The following CFAP299 variants were observed in gnomAD, a reference collection of about 807,000 sequenced individuals.
CFAP299 encodes the protein cilia and flagella associated protein 299, also known as cilia- and flagella-associated protein 299.
A neutral mutation model predicts 27.0 loss-of-function variants in CFAP299; 21 were observed. The ratio of observed to expected loss-of-function variants is 0.78; its 90% CI spans 0.55 to 1.12. The LOEUF (loss-of-function observed/expected upper bound fraction) is 1.12. Among genes scored for constraint, CFAP299 ranks in the 50% most tolerant of loss-of-function variants. The pLI is 0.00. For synonymous variants in CFAP299, 104 were observed against 98.1 expected, an observed-to-expected ratio of 1.06 and a Z score of -0.36; for missense variants, 310 against 276.6, an observed-to-expected ratio of 1.12 and a Z score of -0.86.
intron 4 of CFAP299, among the ~76,000 whole-genome samples, chr4:80,919,185 A>G (rs1398972141): frequency 2.0e-5 from 3 of 152,184 alleles, no homozygotes; most frequent in African/African-American, 2.4e-5. Flanking sequence ...TTAGTTCTAA[A>G]GCATGCTGCA....
chr4:80,650,956 A>G (rs1340550952), intron 3 of CFAP299, among the ~76,000 whole-genome samples: 2 of 152,046 alleles, frequency 1.3e-5, no homozygotes, highest in Non-Finnish European at 2.9e-5. Context: ...ACAAATCACT[A>G]CTAAAGAACT....
chr4:80,502,649 T>G (rs1731801557), intron 2 of CFAP299, among the ~76,000 whole-genome samples: 1 of 152,100 alleles, frequency 6.6e-6, no homozygotes, highest in African/African-American at 2.4e-5. Flanking sequence ...CTTTCTTGGT[T>G]TTCTGTCTGC....
intron 4 of CFAP299, among the ~76,000 whole-genome samples, chr4:80,921,855 G>A (rs1414636142): frequency 6.6e-6 from 1 of 151,924 alleles, no homozygotes; most frequent in Non-Finnish European, 1.5e-5. Flanking sequence ...TATTTATGGA[G>A]GGAATCTGGT....
intron 3 of CFAP299, among the ~76,000 whole-genome samples, chr4:80,690,939 C>A (rs1578024017): frequency 6.7e-6 from 1 of 149,626 alleles, no homozygotes; most frequent in Admixed American, 6.7e-5. Context: ...ACTAGAAAAT[C>A]TAGAAGAAAT....
intron 2 of CFAP299, among the ~76,000 whole-genome samples, chr4:80,453,715 C>T (rs1211185248): frequency 6.6e-6 from 1 of 151,404 alleles, no homozygotes; most frequent in Non-Finnish European, 1.5e-5. Flanking sequence ...TTGGCGCGTG[C>T]CTGTAATCTC....
At chr4:80,663,688 C>G (rs970676655) in intron 3 of CFAP299, among the ~76,000 whole-genome samples, 2 of 152,174 alleles carry the variant, frequency 1.3e-5, no homozygotes, top group Non-Finnish European at 2.9e-5. Flanking sequence ...GGTTCTGGTT[C>G]TAGATCCTTG....
intron 3 of CFAP299, among the ~76,000 whole-genome samples, chr4:80,675,005 C>T (rs1204373586): frequency 1.3e-5 from 2 of 152,144 alleles, no homozygotes; most frequent in East Asian, 3.9e-4. Context: ...TATTACCGAC[C>T]TTCTGAAGCC....
At position 80,744,371 on chromosome 4, in the gene CFAP299, C is replaced by T. The variant is rs532685485; in HGVS notation, c.334-125622C>T. Reference sequence around the variant, plus strand: ...CAGCTCTCCTCCAAACCTGATCAGCCAGCCCAGAAGTGTTTTTATGACTCA... The same window carrying T: ...CAGCTCTCCTCCAAACCTGATCAGCTAGCCCAGAAGTGTTTTTATGACTCA... On this transcript the variant is annotated intron_variant, in intron 3 of 5. Coordinates refer to ENST00000358105, the MANE Select transcript of CFAP299 (RefSeq NM_152770.3). Among the ~76,000 whole-genome samples the T allele has an allele frequency of 1.1e-4, 16 of 141,078 alleles. No homozygotes were observed. The South Asian group carries it at 3.3e-3, about 29-fold the overall frequency. The allele number at this position is 141,078 out of a possible 152,430, so 92.6% of individuals were successfully genotyped here.
intron 2 of CFAP299, among the ~76,000 whole-genome samples, chr4:80,475,957 C>T (rs1260205734): frequency 5.9e-5 from 9 of 152,176 alleles, no homozygotes; most frequent in Admixed American, 5.9e-4. Flanking sequence ...CAGTAAACAA[C>T]AATGTTGCTC....
In CFAP299 at chr4:80,755,121, G is replaced by A. The variant is rs10026798; in HGVS notation, c.334-114872G>A. ...ATAAAATCTATTAATACTACAAAGA[G>A]GGAAGTGGTGGATATAAGGCAGTGG... On this transcript the variant is annotated intron_variant, in intron 3 of 5. Coordinates refer to ENST00000358105, the MANE Select transcript of CFAP299 (RefSeq NM_152770.3). Among the ~76,000 whole-genome samples, 388 of 152,176 alleles carry A rather than the reference G, an allele frequency of 2.5e-3. 1 individual carries two copies. The highest frequency in any genetic ancestry group is 8.8e-3 in the African/African-American group (366 of 41,536).
chr4:80,769,125 T>A (rs564531883), intron 3 of CFAP299, among the ~76,000 whole-genome samples: 1 of 152,254 alleles, frequency 6.6e-6, no homozygotes, highest in East Asian at 1.9e-4. Flanking sequence ...AAGAAAAAAA[T>A]AAGGGCTTTA....
At chr4:80,586,906 T>C (rs1056464401) in intron 3 of CFAP299, among the ~76,000 whole-genome samples, 1 of 151,942 alleles carries the variant, frequency 6.6e-6, no homozygotes, top group Non-Finnish European at 1.5e-5. Context: ...ATATGCATTA[T>C]TGAAGCTAGT....
chr4:80,800,650 T>TATAAATATATAATATATTA, intron 3 of CFAP299, among the ~76,000 whole-genome samples: 5 of 85,212 alleles, frequency 5.9e-5, no homozygotes, highest in African/African-American at 2.5e-4. Context: ...AATATATTAA[T>TATAAATATATAATATATTA]ATATATATGA....
In CFAP299 at chr4:80,347,200, A is replaced by G. The variant is rs190813045; in HGVS notation, c.111+11321A>G. 1.3e-5 allele frequency among the ~76,000 whole-genome samples: 2 copies of G among 152,248 alleles called. 1 individual carries two copies. Among genetic ancestry groups the G allele is most frequent in the Admixed American group, 1.3e-4 (2 of 15,300 alleles). ...TGAGACGATGGGGTTTTCTAAATATACAATCATGTCATCTGCAAACAGGGA... is the reference window on the plus strand; with the variant it reads ...TGAGACGATGGGGTTTTCTAAATATGCAATCATGTCATCTGCAAACAGGGA... On this transcript the variant is annotated intron_variant, in intron 1 of 5. Transcript: ENST00000358105.
intron 3 of CFAP299, among the ~76,000 whole-genome samples, chr4:80,728,830 T>C (rs1723312119): frequency 6.6e-6 from 1 of 152,194 alleles, no homozygotes; most frequent in African/African-American, 2.4e-5. Flanking sequence ...CATGACTTCC[T>C]CAGAACTTCT....
chr4:80,374,442 G>A (rs1724304592), intron 2 of CFAP299, among the ~76,000 whole-genome samples: 1 of 152,156 alleles, frequency 6.6e-6, no homozygotes, highest in Non-Finnish European at 1.5e-5. Context: ...TGGGAGAAAG[G>A]CCTCTATTTT....
chr4:80,798,885 T>G (rs1728029236), intron 3 of CFAP299, among the ~76,000 whole-genome samples: 1 of 151,714 alleles, frequency 6.6e-6, no homozygotes, highest in Non-Finnish European at 1.5e-5. Context: ...CTCTAAACAG[T>G]TAACAGCAAG....
At chr4:80,505,213 C>T (rs1346079743) in intron 2 of CFAP299, among the ~76,000 whole-genome samples, 2 of 151,696 alleles carry the variant, frequency 1.3e-5, no homozygotes, top group African/African-American at 4.8e-5. Flanking sequence ...TCTGGGGCAG[C>T]AATAGATTAG....
At chr4:80,855,396 T>A (rs1340558596) in intron 3 of CFAP299, among the ~76,000 whole-genome samples, 1 of 151,828 alleles carries the variant, frequency 6.6e-6, no homozygotes, top group East Asian at 1.9e-4. Context: ...TATTTTCTTT[T>A]TATTTATTTA....
Sources: gnomAD v4.1 joint callset for allele counts (sites outside exome capture counted in the v4.1 genomes callset) on GRCh38, gnomAD v4.1.1 for gene constraint, MANE v1.5 for transcripts, NCBI Gene and HGNC (gene_info 2026-07-23, HGNC 2026-07-21) for gene names.